MERTK: variants seen among roughly 807,000 people sequenced by gnomAD.
MERTK encodes the protein MER proto-oncogene, tyrosine kinase.
A neutral mutation model predicts 99.3 loss-of-function variants in MERTK; 69 were observed. That is an observed-to-expected ratio of 0.70 (90% CI 0.57 to 0.85). The LOEUF (loss-of-function observed/expected upper bound fraction) is 0.85, where lower values mean the gene tolerates loss of function less well. Ranked by LOEUF, MERTK falls within the 40% of genes least tolerant of loss-of-function variation. The pLI is 0.00. For missense variants in MERTK, 1,125 were observed against 1,249.4 expected (o/e 0.90, Z 1.50); for synonymous variants, 426 against 467.6 (o/e 0.91, Z 1.15).
chr2:111,991,211 G>C (rs1245580715), intron 8 of MERTK, among the ~76,000 whole-genome samples: 1 of 152,170 alleles, frequency 6.6e-6, no homozygotes, highest in African/African-American at 2.4e-5. Flanking sequence ...AAACTAGTTT[G>C]CAGTAAATAC....
At chr2:111,910,278 T>TTG (rs1462800516) in intron 1 of MERTK, among the ~76,000 whole-genome samples, 4 of 151,096 alleles carry the variant, frequency 2.6e-5, no homozygotes, top group African/African-American at 9.7e-5. Context: ...TTTTTGTTTT[T>TTG]TTTTTTTTGA....
intron 8 of MERTK, among the ~76,000 whole-genome samples, chr2:111,984,932 T>G (rs1676447059): frequency 6.6e-6 from 1 of 152,184 alleles, no homozygotes; most frequent in Non-Finnish European, 1.5e-5. Context: ...ACTGTGTGCT[T>G]GGAACTGGGT....
chr2:111,912,444 T>C (rs2104667723), intron 1 of MERTK, among the ~76,000 whole-genome samples: 1 of 152,316 alleles, frequency 6.6e-6, no homozygotes, highest in African/African-American at 2.4e-5. Flanking sequence ...TGGAGTCTGA[T>C]GAGTTTTAAT....
At chr2:111,922,982 T>A (rs1350298073) in intron 1 of MERTK, among the ~76,000 whole-genome samples, 1 of 152,218 alleles carries the variant, frequency 6.6e-6, no homozygotes. Context: ...TCCCTAAATG[T>A]CTGAGCCACT....
chr2:111,904,414 C>T (rs1184648520), intron 1 of MERTK, among the ~76,000 whole-genome samples: 3 of 146,424 alleles, frequency 2.0e-5, no homozygotes, highest in Non-Finnish European at 3.0e-5. Context: ...CTTGCTCTGT[C>T]GCCCAGGCTG....
chr2:111,997,683 C>T (rs1458850289), intron 10 of MERTK, among the ~76,000 whole-genome samples: 1 of 152,192 alleles, frequency 6.6e-6, no homozygotes, highest in African/African-American at 2.4e-5. Context: ...GAAAAGGGTT[C>T]CTTTACAGAG....
At chr2:112,007,449 C>T (rs2104410773) in intron 13 of MERTK, among the ~76,000 whole-genome samples, 1 of 152,276 alleles carries the variant, frequency 6.6e-6, no homozygotes, top group South Asian at 2.1e-4. Context: ...CCACTGCGCC[C>T]AGCCCCAAGA....
At chr2:111,973,448 G>A (rs1676164495) in intron 6 of MERTK, among the ~76,000 whole-genome samples, 1 of 152,016 alleles carries the variant, frequency 6.6e-6, no homozygotes, top group Non-Finnish European at 1.5e-5. Context: ...CTGAGTCAGA[G>A]GTGAAACTCA....
chr2:111,941,075 A>G (rs1684858297), intron 2 of MERTK: 2 of 435,664 alleles, frequency 4.6e-6, no homozygotes, highest in East Asian at 5.1e-5. Flanking sequence ...TTACTCTTTT[A>G]CTTTGGCAAG....
At chr2:111,958,694 A>G (rs1400197670) in intron 4 of MERTK, among the ~76,000 whole-genome samples, 3 of 152,180 alleles carry the variant, frequency 2.0e-5, no homozygotes, top group African/African-American at 4.8e-5. Context: ...AAAGAAACAC[A>G]CAGGAGAAAT....
chr2:111,919,999 T>G (rs1684424803), intron 1 of MERTK, among the ~76,000 whole-genome samples: 1 of 152,052 alleles, frequency 6.6e-6, no homozygotes, highest in South Asian at 2.1e-4. Flanking sequence ...CTCTCCATGC[T>G]GCTCTAAGCC....
chr2:111,956,663 G>T (rs1448980219), intron 4 of MERTK, among the ~76,000 whole-genome samples: 2 of 152,084 alleles, frequency 1.3e-5, no homozygotes, highest in Non-Finnish European at 2.9e-5. Context: ...AGGCAGTTTT[G>T]TTGTTGTTGT....
intron 10 of MERTK, 93 bp from the exon 11 acceptor site, chr2:112,001,107 GA>G: frequency 2.1e-6 from 2 of 932,118 alleles, no homozygotes; most frequent in African/African-American, 1.6e-5. Context: ...AGAGCCCATT[GA>G]AAAGCGGAAG....
intron 4 of MERTK, among the ~76,000 whole-genome samples, chr2:111,951,549 A>ATATATATATATATATATATG (rs1685057322): frequency 8.4e-6 from 1 of 118,774 alleles, no homozygotes; most frequent in Non-Finnish European, 1.8e-5. Context: ...ATATATATAT[A>ATATATATATATATATATATG]CCATAATTTT....
intron 6 of MERTK, among the ~76,000 whole-genome samples, chr2:111,970,114 G>A (rs1341180542): frequency 6.6e-6 from 1 of 150,566 alleles, no homozygotes; most frequent in African/African-American, 2.4e-5. Context: ...GGTCTTTTTT[G>A]TGATTGATTT....
At chr2:111,964,563 T>C (rs539919308) in intron 4 of MERTK, among the ~76,000 whole-genome samples, 1 of 152,244 alleles carries the variant, frequency 6.6e-6, no homozygotes, top group Non-Finnish European at 1.5e-5. Flanking sequence ...AAGATCTGGC[T>C]AACTTGTCTT....
intron 8 of MERTK, 92 bp from the exon 9 acceptor site, chr2:111,994,159 C>T (rs181576058): frequency 3.2e-5 from 46 of 1,452,616 alleles, no homozygotes; most frequent in African/African-American, 4.2e-5. Context: ...CGGACGTGGG[C>T]GGGATGGCTT....
At chr2:111,948,485 A>G (rs1684998873) in intron 4 of MERTK, among the ~76,000 whole-genome samples, 1 of 152,206 alleles carries the variant, frequency 6.6e-6, no homozygotes, top group African/African-American at 2.4e-5. Flanking sequence ...TTGCAGGCTC[A>G]TGTATCCAAC....
In MERTK at chr2:111,990,627, T is replaced by G. The variant is rs146308374; in HGVS notation, c.1297-3624T>G. Among the ~76,000 whole-genome samples the G allele has an allele frequency of 2.8e-3, 433 of 152,314 alleles. 3 individuals carry two copies. Among genetic ancestry groups the G allele is most frequent in the African/African-American group, 6.3e-3 (260 of 41,574 alleles). ...TGAGTAGACACAGGTTAAGTATCCC[T>G]TATCCAAAGTGTCTGGGGACCAGAA... On this transcript the variant is annotated intron_variant, in intron 8 of 18. Transcript: ENST00000295408.
Sources: allele counts gnomAD v4.1 joint callset (sites outside exome capture counted in the v4.1 genomes callset), GRCh38; gene constraint gnomAD v4.1.1; transcripts MANE v1.5; gene names NCBI Gene and HGNC (gene_info 2026-07-23, HGNC 2026-07-21).